TUSC3: variants seen among roughly 807,000 people sequenced by gnomAD.
TUSC3 encodes dolichyl-diphosphooligosaccharide--protein glycosyltransferase subunit TUSC3.
Under a neutral mutation model 44.8 loss-of-function variants are expected in TUSC3, and 45 were observed. The observed-to-expected ratio is 1.00, with a 90% CI of 0.79 to 1.29. The LOEUF is 1.29. Among genes scored for constraint, TUSC3 ranks in the 50% most tolerant of loss-of-function variants. The probability of loss-of-function intolerance (pLI) is 0.00; values close to 1 mark genes in which losing one functional copy is unlikely to be tolerated. For missense variants in TUSC3, 519 were observed against 437.9 expected (o/e 1.19, Z -1.65); for synonymous variants, 212 against 152.9 (o/e 1.39, Z -2.85).
chr8:15,680,649 A>C (rs140230254), intron 6 of TUSC3, among the ~76,000 whole-genome samples: 7 of 152,074 alleles, frequency 4.6e-5, no homozygotes, highest in Admixed American at 1.3e-4. Context: ...GAGAGTGGAC[A>C]TCCTTGTCTT....
At chr8:15,576,461 C>CT (rs1227539165) in intron 1 of TUSC3, among the ~76,000 whole-genome samples, 1 of 115,728 alleles carries the variant, frequency 8.6e-6, no homozygotes, top group East Asian at 2.8e-4. Flanking sequence ...CCCTCCCCCC[C>CT]TCCCCCCACC....
intron 2 of TUSC3, among the ~76,000 whole-genome samples, chr8:15,641,802 A>C (rs1806385191): frequency 1.3e-5 from 2 of 152,238 alleles, no homozygotes; most frequent in Non-Finnish European, 2.9e-5. Flanking sequence ...TAATAGGTGT[A>C]GTGTTACATT....
intron 1 of TUSC3, among the ~76,000 whole-genome samples, chr8:15,548,903 G>A (rs1055887312): frequency 2.0e-5 from 3 of 151,762 alleles, no homozygotes; most frequent in African/African-American, 7.2e-5. Context: ...TTGAATCTCA[G>A]TGATCACTAT....
chr8:15,838,664 T>G, the TUSC3 span, among the ~76,000 whole-genome samples: 1 of 152,172 alleles, frequency 6.6e-6, no homozygotes, highest in Non-Finnish European at 1.5e-5. Context: ...ATCAGATGGT[T>G]GTAGATGTGT....
chr8:15,537,530 A>G (rs1033907153), upstream of TUSC3, among the ~76,000 whole-genome samples: 2 of 152,006 alleles, frequency 1.3e-5, no homozygotes, highest in African/African-American at 4.8e-5. Flanking sequence ...ACAGAGTTTG[A>G]CTCTTGTCAT....
intron 6 of TUSC3, among the ~76,000 whole-genome samples, chr8:15,682,666 A>T (rs954944353): frequency 6.6e-6 from 1 of 152,136 alleles, no homozygotes; most frequent in Non-Finnish European, 1.5e-5. Context: ...TTGATATGTG[A>T]AGTTTTCTTC....
At chr8:15,431,363 T>C (rs1012028632) in intron 1 of TUSC3, among the ~76,000 whole-genome samples, 6 of 151,802 alleles carry the variant, frequency 4.0e-5, no homozygotes, top group Non-Finnish European at 8.8e-5. Context: ...TATTTGATCA[T>C]TGTTCTTTAG....
intron 6 of TUSC3, among the ~76,000 whole-genome samples, chr8:15,676,701 C>T (rs1158440198): frequency 1.3e-5 from 2 of 152,282 alleles, no homozygotes; most frequent in South Asian, 2.1e-4. Flanking sequence ...TGCTGCTAAA[C>T]ACCTAAAATA....
downstream of TUSC3, among the ~76,000 whole-genome samples, chr8:15,768,570 CAG>C (rs1413619510): frequency 9.2e-5 from 14 of 152,008 alleles, no homozygotes; most frequent in African/African-American, 2.9e-4. Context: ...CTAAAGGAAA[CAG>C]AGAATGATTT....
intron 2 of TUSC3, among the ~76,000 whole-genome samples, chr8:15,494,325 T>TC (rs1800850313): frequency 6.6e-6 from 1 of 150,448 alleles, no homozygotes; most frequent in East Asian, 2.0e-4. Flanking sequence ...ATCTTCTTTT[T>TC]TTTTTTTTTT....
chr8:15,807,167 T>G, the TUSC3 span: 5 of 813,508 alleles, frequency 6.1e-6, no homozygotes, highest in Non-Finnish European at 1.1e-5. Context: ...CAGCCGTATG[T>G]GCATCCTCCA....
At chr8:15,653,331 A>C (rs182751626) in intron 3 of TUSC3, among the ~76,000 whole-genome samples, 6 of 152,312 alleles carry the variant, frequency 3.9e-5, no homozygotes, top group Admixed American at 3.9e-4. Context: ...AAATTTTTAT[A>C]TGAAATTTCT....
At chr8:15,443,182 T>C (rs970612007) in intron 1 of TUSC3, among the ~76,000 whole-genome samples, 2 of 152,072 alleles carry the variant, frequency 1.3e-5, no homozygotes, top group East Asian at 1.9e-4. Context: ...CTTTCTTTTT[T>C]TTAGAAGGCA....
the TUSC3 span, among the ~76,000 whole-genome samples, chr8:15,840,459 TG>T: frequency 1.3e-5 from 2 of 152,096 alleles, no homozygotes; most frequent in Non-Finnish European, 2.9e-5. Context: ...CTTTGAGATA[TG>T]TAGCAAGAAA....
chr8:15,678,685 G>T (rs1029904307), intron 6 of TUSC3, among the ~76,000 whole-genome samples: 10 of 152,122 alleles, frequency 6.6e-5, no homozygotes. Flanking sequence ...TACATGTGCA[G>T]GTTGTTACAA....
intron 1 of TUSC3, chr8:15,561,575 G>C (rs1441525076): frequency 6.4e-6 from 1 of 155,314 alleles, no homozygotes. Flanking sequence ...AATCAAGCCT[G>C]GGCAATGGCG....
At chr8:15,651,028 C>T (rs921810397) in intron 3 of TUSC3, 9 of 523,344 alleles carry the variant, frequency 1.7e-5, no homozygotes, top group East Asian at 1.4e-4. Context: ...CACACAAATA[C>T]AATTCATTCA....
intron 6 of TUSC3, among the ~76,000 whole-genome samples, chr8:15,719,299 C>T (rs1810198367): frequency 6.6e-6 from 1 of 151,846 alleles, no homozygotes; most frequent in African/African-American, 2.4e-5. Flanking sequence ...ATGTGCTTCC[C>T]CCAGAATCCA....
At chr8:15,704,032 C>G (rs1479981220) in intron 6 of TUSC3, among the ~76,000 whole-genome samples, 1 of 151,950 alleles carries the variant, frequency 6.6e-6, no homozygotes, top group African/African-American at 2.4e-5. Flanking sequence ...GGGACACAGA[C>G]AGTGAAAAAG....
Sources: gnomAD v4.1 joint callset for allele counts (sites outside exome capture counted in the v4.1 genomes callset) on GRCh38, gnomAD v4.1.1 for gene constraint, MANE v1.5 for transcripts, NCBI Gene and HGNC (gene_info 2026-07-23, HGNC 2026-07-21) for gene names.